The following GALNT10 variants were observed in gnomAD, a reference collection of about 807,000 sequenced individuals.
GALNT10 encodes the protein polypeptide N-acetylgalactosaminyltransferase 10, also known as GalNAc transferase 10.
GALNT10 carries 41 observed loss-of-function variants against 75.0 expected under a neutral mutation model. The observed-to-expected ratio is 0.55, with a 90% CI of 0.43 to 0.71. The LOEUF (loss-of-function observed/expected upper bound fraction) is 0.71. Among genes scored for constraint, GALNT10 ranks in the 30% least tolerant of loss-of-function variants. The pLI is 0.00. For missense variants in GALNT10, 727 were observed against 818.5 expected (o/e 0.89, Z 1.36); for synonymous variants, 302 against 313.0 (o/e 0.96, Z 0.37).
chr5:154,213,319 A>G (rs1386151370), intron 1 of GALNT10, among the ~76,000 whole-genome samples: 2 of 152,220 alleles, frequency 1.3e-5, no homozygotes, highest in Non-Finnish European at 2.9e-5. Context: ...CAACCTCTCC[A>G]GGCCGAACAT....
At chr5:154,384,499 C>G (rs1755780502) in intron 6 of GALNT10, among the ~76,000 whole-genome samples, 1 of 152,218 alleles carries the variant, frequency 6.6e-6, no homozygotes, top group South Asian at 2.1e-4. Flanking sequence ...TCTTGGAAAT[C>G]TGGTGTGTAT....
intron 3 of GALNT10, among the ~76,000 whole-genome samples, chr5:154,322,371 A>G (rs1754688805): frequency 6.6e-6 from 1 of 151,976 alleles, no homozygotes; most frequent in African/African-American, 2.4e-5. Context: ...TCGTAGCTCA[A>G]ATCTCTACTT....
At chr5:154,310,714 C>T (rs1053031202) in intron 3 of GALNT10, among the ~76,000 whole-genome samples, 3 of 152,072 alleles carry the variant, frequency 2.0e-5, no homozygotes, top group Non-Finnish European at 2.9e-5. Flanking sequence ...TCAGGTAATC[C>T]GCCCACCTCA....
intron 7 of GALNT10, among the ~76,000 whole-genome samples, chr5:154,394,318 TAAA>T (rs5872377): frequency 4.8e-5 from 6 of 124,900 alleles, no homozygotes; most frequent in Admixed American, 8.0e-5. Context: ...TGAACAGACT[TAAA>T]AAAAAAAAAA....
intron 1 of GALNT10, among the ~76,000 whole-genome samples, chr5:154,264,520 A>G (rs1048321740): frequency 6.6e-6 from 1 of 152,192 alleles, no homozygotes; most frequent in Non-Finnish European, 1.5e-5. Context: ...AAAAAAATGT[A>G]TATAATGTAT....
chr5:154,287,921 A>T (rs1754136562), intron 1 of GALNT10, among the ~76,000 whole-genome samples: 1 of 147,874 alleles, frequency 6.8e-6, no homozygotes, highest in African/African-American at 2.5e-5. Context: ...TGTGAGAGAG[A>T]GAGAGAGAGT....
chr5:154,194,645 C>T lies in GALNT10; in HGVS notation c.159+3620C>T, dbSNP rs185600475. ...TGTCCTCAGGAAAGAGGTTTAACCT[C>T]TCTGGGCCTTGGATTCCTCATCTGC... On this transcript the variant is annotated intron_variant, in intron 1 of 11. Coordinates refer to ENST00000297107, the MANE Select transcript of GALNT10 (RefSeq NM_198321.4). 2.0e-5 allele frequency among the ~76,000 whole-genome samples: 3 copies of T among 152,324 alleles called. No individual in the cohort carries two copies. In the East Asian group the frequency reaches 5.8e-4, roughly 29 times the overall value.
intron 1 of GALNT10, among the ~76,000 whole-genome samples, chr5:154,289,704 G>T (rs540219072): frequency 6.6e-6 from 1 of 152,190 alleles, no homozygotes; most frequent in Non-Finnish European, 1.5e-5. Flanking sequence ...TCTAAAAAAG[G>T]TATCTTCCTG....
intron 4 of GALNT10, among the ~76,000 whole-genome samples, chr5:154,367,789 C>T (rs997471458): frequency 2.0e-5 from 3 of 149,236 alleles, no homozygotes; most frequent in African/African-American, 5.0e-5. Flanking sequence ...ACCCAGGAGG[C>T]GGAGGTTGCA....
At chr5:154,275,580 T>C (rs903290484) in intron 1 of GALNT10, among the ~76,000 whole-genome samples, 1 of 152,248 alleles carries the variant, frequency 6.6e-6, no homozygotes, top group Non-Finnish European at 1.5e-5. Context: ...AGCAGGACTT[T>C]GCAGAACACT....
chr5:154,375,255 A>C (rs984297409), intron 4 of GALNT10, among the ~76,000 whole-genome samples: 3 of 152,212 alleles, frequency 2.0e-5, no homozygotes, highest in Non-Finnish European at 4.4e-5. Context: ...TTGTGAAAGC[A>C]TACAGCTTTT....
chr5:154,394,443 T>C (rs773843135), intron 7 of GALNT10, among the ~76,000 whole-genome samples: 7 of 151,160 alleles, frequency 4.6e-5, no homozygotes, highest in African/African-American at 7.3e-5. Context: ...GCAAGGGTGA[T>C]ATTGCAACCT....
intron 1 of GALNT10, among the ~76,000 whole-genome samples, chr5:154,231,174 A>G (rs762381529): frequency 2.6e-5 from 4 of 152,200 alleles, no homozygotes; most frequent in Non-Finnish European, 4.4e-5. Context: ...GAAAATGAGG[A>G]GAGAGTGGTG....
intron 3 of GALNT10, among the ~76,000 whole-genome samples, chr5:154,306,660 G>A (rs1353904942): frequency 6.6e-6 from 1 of 151,884 alleles, no homozygotes; most frequent in Non-Finnish European, 1.5e-5. Flanking sequence ...ACAGAAGAAA[G>A]GATGTGAAAA....
intron 4 of GALNT10, among the ~76,000 whole-genome samples, chr5:154,358,890 G>A (rs1299688503): frequency 6.6e-6 from 1 of 152,120 alleles, no homozygotes; most frequent in Admixed American, 6.5e-5. Flanking sequence ...AAACAGTCAC[G>A]GTCCTTCAGA....
At chr5:154,290,947 T>C (rs1308414644) in intron 1 of GALNT10, among the ~76,000 whole-genome samples, 1 of 152,172 alleles carries the variant, frequency 6.6e-6, no homozygotes, top group Non-Finnish European at 1.5e-5. Flanking sequence ...CATGTAGAAC[T>C]CCCTGTGTCA....
At chr5:154,309,329 G>A (rs143978202) in intron 3 of GALNT10, among the ~76,000 whole-genome samples, 1,606 of 152,296 alleles carry the variant, frequency 0.011, 14 homozygotes, top group Non-Finnish European at 0.016. Flanking sequence ...GGTGGTGGTC[G>A]GGTTGTAGTG....
intron 4 of GALNT10, chr5:154,356,306 C>T (rs1032906643): frequency 4.7e-6 from 2 of 429,852 alleles, no homozygotes; most frequent in African/African-American, 4.1e-5. Context: ...ACATAGGGAA[C>T]TCTTAAAAGT....
intron 4 of GALNT10, among the ~76,000 whole-genome samples, chr5:154,366,145 A>C (rs1755470446): frequency 6.6e-6 from 1 of 152,258 alleles, no homozygotes; most frequent in Admixed American, 6.5e-5. Flanking sequence ...AATAATATGC[A>C]GTCCAATATA....
Sources: gnomAD v4.1 joint callset for allele counts (sites outside exome capture counted in the v4.1 genomes callset) on GRCh38, gnomAD v4.1.1 for gene constraint, MANE v1.5 for transcripts, NCBI Gene and HGNC (gene_info 2026-07-23, HGNC 2026-07-21) for gene names.